Variants in DSCAM observed in about 807,000 individuals in gnomAD.
The protein encoded by DSCAM is DS cell adhesion molecule.
In DSCAM, 47 loss-of-function variants were observed where a neutral mutation model predicts 217.7. The observed-to-expected ratio is 0.22, with a 90% CI of 0.17 to 0.28. The LOEUF (loss-of-function observed/expected upper bound fraction) is 0.28. DSCAM is among the 10% of genes least tolerant of loss of function. DSCAM has a pLI of 1.00. For missense variants in DSCAM, 2,080 were observed against 2,618.3 expected (o/e 0.79, Z 4.49); for synonymous variants, 1,056 against 1,015.3 (o/e 1.04, Z -0.76).
At chr21:40,170,092 C>T (rs971311503) in intron 15 of DSCAM, among the ~76,000 whole-genome samples, 4 of 152,172 alleles carry the variant, frequency 2.6e-5, no homozygotes, top group Non-Finnish European at 4.4e-5. Flanking sequence ...GCTTTCGTTC[C>T]GCGCACTCCC....
chr21:40,260,765 G>A (rs989256878), intron 11 of DSCAM, among the ~76,000 whole-genome samples: 9 of 152,284 alleles, frequency 5.9e-5, no homozygotes, highest in East Asian at 3.9e-4. Flanking sequence ...AAGCACTTAT[G>A]TGTAGCTTCT....
chr21:40,698,869 T>TAAAAA (rs56775350), intron 2 of DSCAM, among the ~76,000 whole-genome samples: 1 of 107,970 alleles, frequency 9.3e-6, no homozygotes, highest in Non-Finnish European at 1.8e-5. Context: ...GAATCCGTCT[T>TAAAAA]AAAAAAAAAA....
At chr21:40,746,439 TA>T (rs368227761) in intron 1 of DSCAM, among the ~76,000 whole-genome samples, 1 of 147,336 alleles carries the variant, frequency 6.8e-6, no homozygotes, top group Admixed American at 6.7e-5. Context: ...TCAAGAATGG[TA>T]AAAAATAAAC....
chr21:40,028,950 T>G (rs1212949253), intron 32 of DSCAM, among the ~76,000 whole-genome samples: 1 of 152,218 alleles, frequency 6.6e-6, no homozygotes, highest in African/African-American at 2.4e-5. Context: ...GCAGGCAGCA[T>G]TATCTAGCTG....
chr21:40,844,120 C>T (rs1449024767), intron 1 of DSCAM, among the ~76,000 whole-genome samples: 1 of 152,106 alleles, frequency 6.6e-6, no homozygotes, highest in Non-Finnish European at 1.5e-5. Flanking sequence ...CAGTTGTTGA[C>T]AAAAATATTC....
At chr21:40,266,888 ACTAGAGGCCATTATT>A (rs986272290) in intron 11 of DSCAM, among the ~76,000 whole-genome samples, 13 of 150,110 alleles carry the variant, frequency 8.7e-5, no homozygotes, top group Non-Finnish European at 1.9e-4. Flanking sequence ...CTTAGATGGA[ACTAGAGGCCATTATT>A]CTAAGTGAAG....
Position 40,012,558 on chromosome 21 carries a change from G to A in DSCAM, c.*476C>T, listed in dbSNP as rs1328987804. On this transcript the variant is annotated 3_prime_UTR_variant, in exon 33 of 33. Coordinates refer to ENST00000400454, the MANE Select transcript of DSCAM (RefSeq NM_001389.5). ...GCACTCATCCTAATTAACAACAAAAGAAGACCAAATTGAGAACCCGGTTTC... is the reference window on the plus strand; with the variant it reads ...GCACTCATCCTAATTAACAACAAAAAAAGACCAAATTGAGAACCCGGTTTC... 1 of 151,892 alleles carries A rather than the reference G, an allele frequency of 6.6e-6. No homozygotes were observed. The highest frequency in any genetic ancestry group is 2.4e-5 in the African/African-American group (1 of 41,250). The allele number at this position is 151,892 out of a possible 1,614,324, so 9.4% of individuals were successfully genotyped here.
intron 16 of DSCAM, among the ~76,000 whole-genome samples, chr21:40,154,830 G>T (rs905699840): frequency 6.6e-6 from 1 of 152,190 alleles, no homozygotes; most frequent in Non-Finnish European, 1.5e-5. Flanking sequence ...TTTGAAATAG[G>T]CACTGTCTTG....
rs1326424189 is a variant in DSCAM at position 40,369,138 on chromosome 21, C to G, written c.616G>C (p.Glu206Gln). 6.2e-7 allele frequency: 1 copy of G among 1,612,930 alleles called. No homozygotes were observed. The highest frequency in any genetic ancestry group is 1.7e-5 in the Admixed American group (1 of 59,850). The change falls in exon 4 of 33, where the codon GAG becomes CAG. Residue 206 changes from glutamate to glutamine, a missense_variant. By Grantham distance (29) the Glu-to-Gln change is conservative. Coordinates refer to ENST00000400454, the MANE Select transcript of DSCAM (RefSeq NM_001389.5). ...CTGGCGCTGTTGCTCTGCCTCGTCT[C>G]TCCGGTGTATCGATGCCGCGTGATG... ...RCITRHRYTG[E>Q]TRQSNSARLF...
chr21:40,749,847 A>G (rs1272316315), intron 1 of DSCAM, among the ~76,000 whole-genome samples: 2 of 152,176 alleles, frequency 1.3e-5, no homozygotes, highest in Non-Finnish European at 2.9e-5. Flanking sequence ...AGAGGAATGT[A>G]TAAAGGGCGG....
At chr21:40,315,403 C>CAAAAAA (rs72266206) in intron 8 of DSCAM, among the ~76,000 whole-genome samples, 1 of 121,222 alleles carries the variant, frequency 8.2e-6, no homozygotes, top group Non-Finnish European at 1.8e-5. Context: ...AACTCCGTCT[C>CAAAAAA]AAAAAAAAAA....
intron 17 of DSCAM, among the ~76,000 whole-genome samples, chr21:40,143,677 G>A (rs1194293400): frequency 1.3e-5 from 2 of 152,170 alleles, no homozygotes; most frequent in Non-Finnish European, 2.9e-5. Flanking sequence ...TGCAGTCCCA[G>A]CTACTCGGGA....
chr21:40,558,467 TTATC>T (rs1218973198), intron 3 of DSCAM, among the ~76,000 whole-genome samples: 1 of 137,128 alleles, frequency 7.3e-6, no homozygotes, highest in Admixed American at 7.4e-5. Flanking sequence ...AAAAAAAAAA[TTATC>T]TAAGTTAATT....
chr21:40,059,230 T>G (rs2089076117), intron 28 of DSCAM, among the ~76,000 whole-genome samples: 1 of 152,184 alleles, frequency 6.6e-6, no homozygotes, highest in Admixed American at 6.6e-5. Flanking sequence ...AATTTGAACC[T>G]TTTTCTGCTT....
At chr21:40,839,147 T>C (rs538628309) in intron 1 of DSCAM, among the ~76,000 whole-genome samples, 134 of 152,332 alleles carry the variant, frequency 8.8e-4, no homozygotes, top group African/African-American at 3.0e-3. Context: ...GCATGTGGCA[T>C]TCTTTTTCCC....
intron 13 of DSCAM, 122 bp from the exon 14 acceptor site, chr21:40,187,381 T>C: frequency 7.8e-7 from 1 of 1,280,196 alleles, no homozygotes; most frequent in Non-Finnish European, 1.1e-6. Context: ...CAGAAGCTTT[T>C]TATTTGGAAG....
At chr21:40,107,476 T>C (rs767728042) in intron 20 of DSCAM, among the ~76,000 whole-genome samples, 20 of 152,134 alleles carry the variant, frequency 1.3e-4, no homozygotes, top group Non-Finnish European at 2.5e-4. Context: ...TCTGTAAATA[T>C]CTTTCAGATC....
intron 3 of DSCAM, among the ~76,000 whole-genome samples, chr21:40,504,453 G>T (rs771263211): frequency 1.3e-5 from 2 of 152,130 alleles, no homozygotes; most frequent in Admixed American, 6.5e-5. Flanking sequence ...CTGTCACTGA[G>T]AACAGAATTC....
intron 3 of DSCAM, among the ~76,000 whole-genome samples, chr21:40,496,674 G>A (rs1008834436): frequency 6.6e-6 from 1 of 152,004 alleles, no homozygotes; most frequent in Non-Finnish European, 1.5e-5. Context: ...AAAAGCTTCT[G>A]CACAGCAATG....
Sources: allele counts gnomAD v4.1 joint callset (sites outside exome capture counted in the v4.1 genomes callset), GRCh38; gene constraint gnomAD v4.1.1; transcripts MANE v1.5; gene names NCBI Gene and HGNC (gene_info 2026-07-23, HGNC 2026-07-21).